CREB3L2: variants seen among roughly 807,000 people sequenced by gnomAD.
CREB3L2 encodes cyclic AMP-responsive element-binding protein 3-like protein 2.
In CREB3L2, 23 loss-of-function variants were observed where a neutral mutation model predicts 57.2. That is an observed-to-expected ratio of 0.40 (90% CI 0.29 to 0.57). CREB3L2 has a LOEUF of 0.57. Among genes scored for constraint, CREB3L2 ranks in the 20% least tolerant of loss-of-function variants. The pLI, the probability that CREB3L2 is intolerant of heterozygous loss-of-function variation, is 0.42. For missense variants in CREB3L2, 628 were observed against 634.7 expected (o/e 0.99, Z 0.11); for synonymous variants, 268 against 265.1 (o/e 1.01, Z -0.11).
rs919410905 is a variant in CREB3L2 at position 137,980,251 on chromosome 7, C to G, written c.102+21353G>C. Among the ~76,000 whole-genome samples the G allele has an allele frequency of 1.3e-5, 2 of 152,190 alleles. No homozygotes were observed. ...GAGAGCTTTTAAAATGCCTGATGCC[C>G]AGGCCTCATCCCAGAACCAATTAAA... On this transcript the variant is annotated intron_variant, in intron 1 of 11. Coordinates refer to ENST00000330387, the MANE Select transcript of CREB3L2 (RefSeq NM_194071.4). This position sits in a 1 kb window ranked among gnomAD's most constrained non-coding sequence, Gnocchi z 4.3.
intron 1 of CREB3L2, among the ~76,000 whole-genome samples, chr7:137,990,116 T>C (rs774056241): frequency 1.3e-5 from 2 of 152,208 alleles, no homozygotes; most frequent in Admixed American, 6.5e-5. Context: ...TCCAAGTCAT[T>C]TGCCAAGCAC....
At chr7:137,953,315 T>C in intron 1 of CREB3L2, 2 of 403,138 alleles carry the variant, frequency 5.0e-6, no homozygotes, top group South Asian at 3.9e-5. Context: ...ACCGCTTAGT[T>C]GATTAACTGC....
At chr7:137,887,256 C>T (rs1452439495) in intron 8 of CREB3L2, among the ~76,000 whole-genome samples, 5 of 152,176 alleles carry the variant, frequency 3.3e-5, no homozygotes, top group Non-Finnish European at 5.9e-5. Flanking sequence ...TACATCTTCA[C>T]CCCCAGCTAG....
intron 1 of CREB3L2, among the ~76,000 whole-genome samples, chr7:137,959,163 G>A (rs979601819): frequency 2.6e-5 from 4 of 152,206 alleles, no homozygotes; most frequent in African/African-American, 9.6e-5. Flanking sequence ...ATGAAGAGGT[G>A]ATGTCTATTT....
intron 2 of CREB3L2, among the ~76,000 whole-genome samples, chr7:137,916,552 C>CA (rs1400999880): frequency 3.3e-5 from 5 of 151,598 alleles, no homozygotes; most frequent in Non-Finnish European, 5.9e-5. Context: ...TCTGTCTCTA[C>CA]AAAAAAAAAT....
At chr7:137,946,758 T>C (rs2117264884) in intron 1 of CREB3L2, among the ~76,000 whole-genome samples, 1 of 69,184 alleles carries the variant, frequency 1.4e-5, no homozygotes, top group South Asian at 4.1e-4. Flanking sequence ...TATAGTTATC[T>C]ATATAGTTTA....
chr7:137,882,044 C>CT (rs1799304019), intron 11 of CREB3L2, among the ~76,000 whole-genome samples: 3 of 152,302 alleles, frequency 2.0e-5, no homozygotes, highest in Admixed American at 2.0e-4. Flanking sequence ...TGAAACATGT[C>CT]TTAAAGTTGG....
chr7:137,935,498 T>C (rs767846122), intron 1 of CREB3L2, among the ~76,000 whole-genome samples: 11 of 152,244 alleles, frequency 7.2e-5, no homozygotes, highest in Non-Finnish European at 1.3e-4. Context: ...TAAGTATCTC[T>C]TAATTTGACA....
chr7:137,906,763 C>T (rs949467362), intron 5 of CREB3L2, among the ~76,000 whole-genome samples: 1 of 152,148 alleles, frequency 6.6e-6, no homozygotes, highest in Non-Finnish European at 1.5e-5. Context: ...GAATGAATCT[C>T]ACAAGATCTG....
chr7:137,949,987 T>C (rs1361062228), intron 1 of CREB3L2, among the ~76,000 whole-genome samples: 3 of 152,228 alleles, frequency 2.0e-5, no homozygotes, highest in Non-Finnish European at 4.4e-5. Flanking sequence ...AAGTATATTA[T>C]TTTATTTAAT....
chr7:137,902,559 C>T (rs1445259858), intron 7 of CREB3L2, among the ~76,000 whole-genome samples: 2 of 152,178 alleles, frequency 1.3e-5, no homozygotes, highest in Non-Finnish European at 2.9e-5. Context: ...CATGGGACTA[C>T]AGTCTTCCCA....
intron 2 of CREB3L2, 77 bp from the exon 3 acceptor site, chr7:137,916,089 T>C (rs78487364): frequency 5.8e-6 from 7 of 1,211,310 alleles, no homozygotes; most frequent in South Asian, 3.2e-5. Flanking sequence ...ACCACTAGTC[T>C]TTCTCCCCAA....
chr7:137,911,945 C>T (rs1169957537), intron 4 of CREB3L2, among the ~76,000 whole-genome samples: 1 of 152,180 alleles, frequency 6.6e-6, no homozygotes, highest in Non-Finnish European at 1.5e-5. Flanking sequence ...AATCTGCATA[C>T]GCAAGGCAGA....
chr7:137,993,826 A>G (rs544069878), intron 1 of CREB3L2, among the ~76,000 whole-genome samples: 3 of 152,372 alleles, frequency 2.0e-5, no homozygotes, highest in African/African-American at 7.2e-5. Context: ...ATGAGGGTAT[A>G]GAAGAGACAG....
intron 1 of CREB3L2, among the ~76,000 whole-genome samples, chr7:137,967,429 T>C (rs1801426717): frequency 6.6e-6 from 1 of 152,296 alleles, no homozygotes; most frequent in South Asian, 2.1e-4. Context: ...GCCTCTGGAA[T>C]GTTATCATGG....
At chr7:137,922,384 G>GTATATATATATATATATATA (rs1175503933) in intron 2 of CREB3L2, among the ~76,000 whole-genome samples, 4 of 19,562 alleles carry the variant, frequency 2.0e-4, no homozygotes, top group Admixed American at 8.0e-4. Context: ...ATATATATAT[G>GTATATATATATATATATATA]TATATATATA....
At chr7:137,890,500 A>G (rs920686032) in intron 8 of CREB3L2, among the ~76,000 whole-genome samples, 131 of 152,362 alleles carry the variant, frequency 8.6e-4, no homozygotes, top group Middle Eastern at 3.4e-3. Flanking sequence ...TCAGAGGATG[A>G]CTGCTATGTG....
rs747211957 is a variant in CREB3L2, at chr7:137,916,007, C to T, written c.325G>A (p.Val109Met). 33 of 1,611,492 alleles carry T rather than the reference C, an allele frequency of 2.0e-5. No individual in the cohort carries two copies. The highest frequency in any genetic ancestry group is 2.0e-5 in the Non-Finnish European group (24 of 1,178,956). ...TTSDSFNDDE[V>M]ESEKWYLSTD... Reference sequence around the variant, plus strand: ...GACAGGTACCATTTCTCACTTTCCACCTCATCTGCAGGAAAAAAGACAAGC... The same window carrying T: ...GACAGGTACCATTTCTCACTTTCCATCTCATCTGCAGGAAAAAAGACAAGC... The change falls in exon 3 of 12, where the codon GTG (valine) becomes ATG (methionine). Residue 109 changes from valine to methionine, a missense_variant. Transcript: ENST00000330387.
chr7:137,983,865 G>GC (rs1241920412), intron 1 of CREB3L2, among the ~76,000 whole-genome samples: 1 of 152,160 alleles, frequency 6.6e-6, no homozygotes, highest in Admixed American at 6.5e-5. Flanking sequence ...AGTCATTATT[G>GC]TTGGCCGGCT....
Sources: gnomAD v4.1 joint callset for allele counts (sites outside exome capture counted in the v4.1 genomes callset) on GRCh38, gnomAD v4.1.1 for gene constraint, Gnocchi (gnomAD v3.1) non-coding constraint, MANE v1.5 for transcripts, NCBI Gene and HGNC (gene_info 2026-07-23, HGNC 2026-07-21) for gene names.